PPP1R10: variants seen among roughly 807,000 people sequenced by gnomAD.
The protein encoded by PPP1R10 is protein phosphatase 1 regulatory subunit 10.
In PPP1R10, 15 loss-of-function variants were observed where a neutral mutation model predicts 99.0. That is an observed-to-expected ratio of 0.15 (90% confidence interval 0.10 to 0.23). The LOEUF (loss-of-function observed/expected upper bound fraction) is 0.23, where lower values mean the gene tolerates loss of function less well. PPP1R10 is among the 10% of genes least tolerant of loss of function. The probability of loss-of-function intolerance (pLI) is 1.00; values close to 1 mark genes in which losing one functional copy is unlikely to be tolerated. For missense variants in PPP1R10, 947 were observed against 1,259.4 expected, an observed-to-expected ratio of 0.75 and a Z score of 3.75; for synonymous variants, 430 against 449.5, an observed-to-expected ratio of 0.96 and a Z score of 0.55.
chr6:30,610,865 T>C (rs765453789), intron 2 of PPP1R10, among the ~76,000 whole-genome samples: 172 of 152,352 alleles, frequency 1.1e-3, no homozygotes, highest in African/African-American at 3.5e-3. Flanking sequence ...GCAGCTGTTT[T>C]AGACCAGGTT....
chr6:30,601,774 TG>T (rs1803341222), intron 19 of PPP1R10, 116 bp from the exon 20 acceptor site: 2 of 1,333,574 alleles, frequency 1.5e-6, no homozygotes, highest in African/African-American at 2.9e-5. Context: ...CTTGGGGATT[TG>T]GGGGAAGGGC....
Position 30,602,978 on chromosome 6 carries a change from G to GT in PPP1R10, c.1844-20dup, listed in dbSNP as rs1803527344. 4 of 1,525,920 alleles carry GT rather than the reference G, an allele frequency of 2.6e-6. No individual in the cohort carries two copies. The Admixed American group carries it at 6.3e-5, about 24-fold the overall frequency. 94.5% of individuals were successfully genotyped at this position (1,525,920 alleles called of 1,614,324 possible). A position where few individuals can be genotyped will look rare whatever the true frequency, so the allele number is the denominator to read the frequency against. On this transcript the variant is annotated intron_variant, in intron 17 of 19. Transcript: ENST00000376511. This position sits in a 1 kb window ranked among gnomAD's most constrained non-coding sequence, Gnocchi z 6.7. Reference sequence around the variant, plus strand: ...TGTGGCACTGTTAATGAAAACAAGAGTAACACAGCATGAGCACTCTAGAAG... The same window carrying GT: ...TGTGGCACTGTTAATGAAAACAAGAGTTAACACAGCATGAGCACTCTAGAAG...
At chr6:30,615,870 CT>C (rs1350923026) in intron 2 of PPP1R10, among the ~76,000 whole-genome samples, 1 of 152,046 alleles carries the variant, frequency 6.6e-6, no homozygotes, top group East Asian at 1.9e-4. Flanking sequence ...AGATTGCCAC[CT>C]ATTTTAACCA....
intron 19 of PPP1R10, 110 bp downstream of exon 19, chr6:30,601,826 A>T (rs1463083792): frequency 5.1e-6 from 7 of 1,375,196 alleles, no homozygotes; most frequent in Non-Finnish European, 6.8e-6. Flanking sequence ...CATCAAAGAG[A>T]CGGGTACCTC....
chr6:30,606,529 C>T lies in PPP1R10; in HGVS notation c.573G>A (p.Lys191=), dbSNP rs768521596. 17 of 1,613,942 alleles carry T rather than the reference C, an allele frequency of 1.1e-5. No individual in the cohort carries two copies. In the South Asian group the frequency reaches 1.5e-4, roughly 15 times the overall value. The change falls in exon 8 of 20, where the codon AAG becomes AAA. Residue 191 remains lysine, a synonymous_variant. Transcript: ENST00000376511. This position sits in a 1 kb window ranked among gnomAD's most constrained non-coding sequence, Gnocchi z 6.3. ...TGCGAAGAGACTTGGGCTTCTCCCT[C>T]TTCTTCTCTGGGGCCTCCTCAGCCC... ...ETRAEEAPEK[K]REKPKSLRTT...
chr6:30,605,131 C>T, intron 10 of PPP1R10, 37 bp from the exon 11 acceptor site: 1 of 1,572,876 alleles, frequency 6.4e-7, no homozygotes, highest in Non-Finnish European at 8.7e-7. Context: ...CATCATCAGA[C>T]CTCCTTCATA....
intron 14 of PPP1R10, 51 bp downstream of exon 14, chr6:30,603,957 A>C (rs769285411): frequency 1.3e-6 from 2 of 1,538,948 alleles, no homozygotes; most frequent in Non-Finnish European, 1.7e-6. Context: ...ATGTTCCCTC[A>C]GGAGTGTCCA....
chr6:30,604,874 G>T lies in PPP1R10; in HGVS notation c.954+120C>A. The T allele has an allele frequency of 6.6e-7, 1 of 1,507,732 alleles. No individual in the cohort carries two copies. The highest frequency in any genetic ancestry group is 1.4e-5 in the African/African-American group (1 of 72,808). 93.4% of individuals were successfully genotyped at this position (1,507,732 alleles called of 1,614,324 possible). A position where few individuals can be genotyped will look rare whatever the true frequency, so the allele number is the denominator to read the frequency against. On this transcript the variant is annotated intron_variant, in intron 11 of 19. Transcript: ENST00000376511. This position sits in a 1 kb window ranked among gnomAD's most constrained non-coding sequence, Gnocchi z 7.3. ...TCTCCACAATGTCTCACCTGCACCA[G>T]TCTATATCCAAGGCAAAACGCCTCT...
chr6:30,605,221 A>G, intron 10 of PPP1R10, 127 bp from the exon 11 acceptor site: 1 of 748,344 alleles, frequency 1.3e-6, no homozygotes, highest in East Asian at 2.6e-5. Context: ...GATAAGCTCA[A>G]GAGGACCAGG....
rs957319894 is a variant in PPP1R10, at chr6:30,615,803, G to C, written c.-12+675C>G. Among the ~76,000 whole-genome samples, 6 of 151,992 alleles carry C rather than the reference G, an allele frequency of 3.9e-5. No individual in the cohort carries two copies. The East Asian group carries it at 7.7e-4, about 19-fold the overall frequency. On this transcript the variant is annotated intron_variant, in intron 2 of 19. Transcript: ENST00000376511. ...TCTTTACCTCCCCAACTATTATCTTGTATGTACTGGCACTAAGATTATATT... is the reference window on the plus strand; with the variant it reads ...TCTTTACCTCCCCAACTATTATCTTCTATGTACTGGCACTAAGATTATATT...
rs202139502 is a variant in PPP1R10 at position 30,608,869 on chromosome 6, C to T, written c.240G>A (p.Thr80=). 136 of 1,614,112 alleles carry T rather than the reference C, an allele frequency of 8.4e-5. 1 individual carries two copies. Among genetic ancestry groups the T allele is most frequent in the African/African-American group, 3.9e-4 (29 of 75,034 alleles). Residue 80 remains threonine, a synonymous_variant, in exon 5 of 20, where the codon ACG becomes ACA. Transcript: ENST00000376511. ...GAATGTTGTTGGTTGTCTTTGAATA[C>T]GTCAGCCAATTGTTAAGAAGTTTGT... ...GGYKLLNNWL[T]YSKTTNNIPL...
At chr6:30,607,690 G>T in intron 6 of PPP1R10, 150 bp downstream of exon 6, 1 of 819,610 alleles carries the variant, frequency 1.2e-6, no homozygotes, top group Non-Finnish European at 2.0e-6. Context: ...GTACAGGTTA[G>T]AGGAACTTTC....
intron 17 of PPP1R10, 110 bp downstream of exon 17, chr6:30,603,100 T>C (rs1803543677): frequency 4.8e-6 from 7 of 1,453,750 alleles, no homozygotes; most frequent in Non-Finnish European, 5.8e-6. Context: ...CTCCCATTTC[T>C]TGCCTAGTGG....
intron 17 of PPP1R10, 122 bp downstream of exon 17, chr6:30,603,088 C>A: frequency 7.0e-7 from 1 of 1,419,868 alleles, no homozygotes; most frequent in East Asian, 2.3e-5. Flanking sequence ...TCCAGTCTTC[C>A]CCTCCCATTT....
chr6:30,608,092 G>T (rs1370726107), intron 5 of PPP1R10, among the ~76,000 whole-genome samples: 1 of 151,114 alleles, frequency 6.6e-6, no homozygotes, highest in Non-Finnish European at 1.5e-5. Context: ...AGGCTCAAAT[G>T]ATTCTCCCAC....
chr6:30,605,860 CAAAA>C (rs9278740), intron 10 of PPP1R10, 59 bp downstream of exon 10: 995 of 1,194,212 alleles, frequency 8.3e-4, no homozygotes, highest in Admixed American at 1.0e-3. Flanking sequence ...ACTCTGTCTC[CAAAA>C]AAAAAAAAAA....
Position 30,602,212 on chromosome 6 carries a change from G to C in PPP1R10, c.2437C>G (p.His813Asp), listed in dbSNP as rs1392111405. 1 of 1,611,768 alleles carries C rather than the reference G, an allele frequency of 6.2e-7. No homozygotes were observed. Among genetic ancestry groups the C allele is most frequent in the Non-Finnish European group, 8.5e-7 (1 of 1,179,394 alleles). The change falls in exon 19 of 20, where the codon CAT becomes GAT. Residue 813 changes from histidine to aspartate, a missense_variant. By Grantham distance (81) the His-to-Asp change is moderately conservative. This residue lies in a region of PPP1R10 where 525 missense variants were observed against 578.8 expected (regional missense o/e 0.91). Transcript: ENST00000376511. The surrounding 1 kb of genome is among the most constrained non-coding windows in gnomAD (Gnocchi z 6.7). ...CCGCCAGGGCCTTCATGGGGACGAT[G>C]GCCACTGCCACCACTGATGCCACCG... ...PGGGISGGSG[H>D]RPHEGPGGGM...
chr6:30,602,119 C>G lies in PPP1R10; in HGVS notation c.2530G>C (p.Gly844Arg). ...GPGGSMGGSG[G>R]HRPHEGPGHG... ...CCAGGGCCTTCATGGGGACGATGTC[C>G]ACCACTTCCACCCATGCTTCCGCCA... Residue 844 changes from glycine to arginine, a missense_variant, in exon 19 of 20, where the codon GGA becomes CGA. By Grantham distance (125) the Gly-to-Arg change is moderately radical (BLOSUM62 -2). Around this residue, in one of 10 missense-constraint regions of PPP1R10, gnomAD observed 525 missense variants for 578.8 expected, o/e 0.91. Coordinates refer to ENST00000376511, the MANE Select transcript of PPP1R10 (RefSeq NM_002714.4). This position sits in a 1 kb window ranked among gnomAD's most constrained non-coding sequence, Gnocchi z 6.7. 6.2e-7 allele frequency: 1 copy of G among 1,606,090 alleles called. No homozygotes were observed. The highest frequency in any genetic ancestry group is 2.2e-5 in the East Asian group (1 of 44,800).
chr6:30,608,644 T>C (rs1188648318), intron 5 of PPP1R10, 135 bp downstream of exon 5: 2 of 1,163,102 alleles, frequency 1.7e-6, no homozygotes, highest in Non-Finnish European at 2.4e-6. Flanking sequence ...CAAGTCTTCT[T>C]CTTCTAAATT....
Sources: gnomAD v4.1 joint callset for allele counts (sites outside exome capture counted in the v4.1 genomes callset) on GRCh38, gnomAD v4.1.1 for gene constraint, gnomAD v4.1.1 regional missense constraint, Gnocchi (gnomAD v3.1) non-coding constraint, MANE v1.5 for transcripts, NCBI Gene and HGNC (gene_info 2026-07-23, HGNC 2026-07-21) for gene names.